The following SND1 variants were observed in gnomAD, a reference collection of about 807,000 sequenced individuals.
The protein encoded by SND1 is staphylococcal nuclease domain-containing protein 1.
In SND1, 38 loss-of-function variants were observed where a neutral mutation model predicts 121.7. The observed-to-expected ratio is 0.31, with a 90% CI of 0.24 to 0.41. The LOEUF is 0.41. SND1 is among the 10% of genes least tolerant of loss of function. The probability of loss-of-function intolerance (pLI) is 1.00; values close to 1 mark genes in which losing one functional copy is unlikely to be tolerated. For missense variants in SND1, 868 were observed against 1,184.6 expected (o/e 0.73, Z 3.92); for synonymous variants, 401 against 447.4 (o/e 0.90, Z 1.31).
At chr7:128,028,479 T>A in intron 16 of SND1, 61 of 366,252 alleles carry the variant, frequency 1.7e-4, no homozygotes, top group Non-Finnish European at 2.2e-4. Context: ...CCCCACCCCC[T>A]TTAAATAGAA....
chr7:127,723,805 G>A (rs776395976), intron 10 of SND1, among the ~76,000 whole-genome samples: 7 of 152,052 alleles, frequency 4.6e-5, no homozygotes, highest in African/African-American at 1.7e-4. Flanking sequence ...ATATAACTAC[G>A]TTAAAAAACT....
At chr7:127,948,422 A>G (rs545455355) in intron 15 of SND1, among the ~76,000 whole-genome samples, 11 of 152,228 alleles carry the variant, frequency 7.2e-5, no homozygotes, top group Non-Finnish European at 1.6e-4. Flanking sequence ...TCAGCTGATC[A>G]GTAAATTGAG....
intron 14 of SND1, among the ~76,000 whole-genome samples, chr7:127,915,148 G>A (rs578073473): frequency 6.6e-6 from 1 of 152,186 alleles, no homozygotes; most frequent in South Asian, 2.1e-4. Flanking sequence ...CTCCTGAGTA[G>A]CTAACTACAT....
At chr7:127,773,558 A>G (rs952382687) in intron 10 of SND1, among the ~76,000 whole-genome samples, 11 of 151,874 alleles carry the variant, frequency 7.2e-5, no homozygotes, top group Non-Finnish European at 1.3e-4. Context: ...AAAGAAAAGG[A>G]AACTATTTTT....
intron 1 of SND1, among the ~76,000 whole-genome samples, chr7:127,674,403 CT>C (rs2116273015): frequency 6.6e-6 from 1 of 152,022 alleles, no homozygotes; most frequent in East Asian, 1.9e-4. Context: ...TTTTTCTGGA[CT>C]TTCTGTATCT....
rs148258359 is a variant in SND1 at position 127,960,303 on chromosome 7, G to A, written c.1670-30644G>A. ...GTAAGTGCATCGTGTGGGACTACCC[G>A]CATTCACTTTATTGGTCCTTCCTCA... On this transcript the variant is annotated intron_variant, in intron 15 of 23. Transcript: ENST00000354725. 2.6e-4 allele frequency among the ~76,000 whole-genome samples: 40 copies of A among 152,294 alleles called. No individual in the cohort carries two copies. In the East Asian group the frequency reaches 4.2e-3, roughly 16 times the overall value.
intron 9 of SND1, among the ~76,000 whole-genome samples, chr7:127,710,750 T>C (rs1323053971): frequency 6.6e-6 from 1 of 152,216 alleles, no homozygotes; most frequent in Non-Finnish European, 1.5e-5. Flanking sequence ...TTTTTCAGTT[T>C]AAGGGCAACT....
At chr7:127,953,811 C>T (rs1801526398) in intron 15 of SND1, among the ~76,000 whole-genome samples, 1 of 152,200 alleles carries the variant, frequency 6.6e-6, no homozygotes, top group Admixed American at 6.5e-5. Context: ...GCAATTATCA[C>T]TTCCTTCTCT....
intron 10 of SND1, among the ~76,000 whole-genome samples, chr7:127,786,791 G>A (rs1353424014): frequency 3.3e-5 from 5 of 152,032 alleles, no homozygotes; most frequent in Admixed American, 1.3e-4. Flanking sequence ...CTACAGGCGC[G>A]CGCCACCATG....
chr7:128,046,368 T>G (rs1407153148), intron 16 of SND1, among the ~76,000 whole-genome samples: 7 of 144,318 alleles, frequency 4.9e-5, no homozygotes, highest in East Asian at 1.9e-4. Flanking sequence ...TTGTTGTGTT[T>G]TTTTTTTTTT....
chr7:127,993,422 T>C (rs1255233761), intron 16 of SND1, among the ~76,000 whole-genome samples: 1 of 152,240 alleles, frequency 6.6e-6, no homozygotes, highest in Non-Finnish European at 1.5e-5. Context: ...GCAGAGGTCC[T>C]TCCCGCCCTC....
chr7:127,740,315 G>A (rs966291966), intron 10 of SND1, among the ~76,000 whole-genome samples: 2 of 152,092 alleles, frequency 1.3e-5, no homozygotes, highest in Non-Finnish European at 2.9e-5. Context: ...AGTAGCTTGG[G>A]TATTTTTTTA....
chr7:127,698,929 G>A lies in SND1; in HGVS notation c.404G>A (p.Arg135Gln), dbSNP rs754314354. 3.1e-5 allele frequency: 50 copies of A among 1,613,438 alleles called. No homozygotes were observed. The South Asian group carries it at 4.8e-4, about 16-fold the overall frequency. Residue 135 changes from arginine (R) to glutamine (Q), a missense_variant, in exon 4 of 24, where the codon CGG becomes CAG. Transcript: ENST00000354725. Reference protein sequence around the residue: ...ESLVAEGLATRREGMRANNPE... With the variant: ...ESLVAEGLATQREGMRANNPE... ...CTGGTTGCAGAGGGCTTAGCCACCC[G>A]GAGAGAAGGCATGAGAGCTAATAAG...
At chr7:127,902,287 G>T (rs1584653733) in intron 13 of SND1, among the ~76,000 whole-genome samples, 1 of 152,186 alleles carries the variant, frequency 6.6e-6, no homozygotes, top group African/African-American at 2.4e-5. Flanking sequence ...GGTTGTCCTT[G>T]TTGTTAAAGG....
intron 10 of SND1, among the ~76,000 whole-genome samples, chr7:127,743,968 T>G (rs751635387): frequency 6.6e-6 from 1 of 152,182 alleles, no homozygotes; most frequent in Non-Finnish European, 1.5e-5. Context: ...ATACAAATAT[T>G]TTTCAAATGT....
At chr7:127,727,605 T>C (rs900826635) in intron 10 of SND1, among the ~76,000 whole-genome samples, 6 of 151,980 alleles carry the variant, frequency 3.9e-5, no homozygotes, top group Admixed American at 1.3e-4. Context: ...AATAGCAAAT[T>C]AGAGAGGGAC....
intron 1 of SND1, among the ~76,000 whole-genome samples, chr7:127,659,797 A>G (rs945292492): frequency 2.0e-5 from 3 of 152,176 alleles, no homozygotes; most frequent in African/African-American, 7.2e-5. Flanking sequence ...TGGGTAAGAT[A>G]TTCCACCTCA....
intron 15 of SND1, among the ~76,000 whole-genome samples, chr7:127,964,742 T>G (rs905789220): frequency 6.9e-5 from 10 of 144,652 alleles, no homozygotes; most frequent in Non-Finnish European, 1.4e-4. Context: ...ATGCGGGCTG[T>G]TTTTTGGTTC....
chr7:127,802,732 C>G (rs903223356), intron 10 of SND1, among the ~76,000 whole-genome samples: 50 of 152,190 alleles, frequency 3.3e-4, no homozygotes, highest in African/African-American at 1.2e-3. Context: ...ACTCAGGTAT[C>G]TAATAGCTGA....
Sources: gnomAD v4.1 joint callset for allele counts (sites outside exome capture counted in the v4.1 genomes callset) on GRCh38, gnomAD v4.1.1 for gene constraint, MANE v1.5 for transcripts, NCBI Gene and HGNC (gene_info 2026-07-23, HGNC 2026-07-21) for gene names.